Variants in PNLIPRP1 observed in about 807,000 individuals in gnomAD.
The protein encoded by PNLIPRP1 is pancreatic lipase related protein 1.
A neutral mutation model predicts 54.6 loss-of-function variants in PNLIPRP1; 57 were observed. That is an observed-to-expected ratio of 1.04 (90% CI 0.84 to 1.30). The LOEUF is 1.30. Among genes scored for constraint, PNLIPRP1 ranks in the 50% most tolerant of loss-of-function variants. The pLI is 0.00. For synonymous variants in PNLIPRP1, 232 were observed against 208.8 expected (o/e 1.11, Z -0.96); for missense variants, 567 against 568.5 (o/e 1.00, Z 0.03).
intron 10 of PNLIPRP1, among the ~76,000 whole-genome samples, chr10:116,602,801 A>G (rs1369980709): frequency 3.3e-5 from 5 of 152,190 alleles, no homozygotes; most frequent in African/African-American, 1.2e-4. Flanking sequence ...TTATATACGT[A>G]TGTATATGAG....
intron 12 of PNLIPRP1, among the ~76,000 whole-genome samples, chr10:116,607,397 A>C (rs1847953099): frequency 6.6e-6 from 1 of 152,200 alleles, no homozygotes. Flanking sequence ...GAAGGTCAAA[A>C]GACCAAATAA....
rs141835751 is a variant in PNLIPRP1, at chr10:116,604,824, G to C, written c.1173-562G>C. 4.8e-3 allele frequency among the ~76,000 whole-genome samples: 733 copies of C among 151,724 alleles called. 6 individuals carry two copies. Among genetic ancestry groups the C allele is most frequent in the African/African-American group, 0.017 (710 of 41,332 alleles). On this transcript the variant is annotated intron_variant, in intron 11 of 12. Transcript: ENST00000358834. ...GTGCCTCAGCCTCCCAAGTAGCTGAGATTACAGGCATGTGCCACCACACCT... is the reference window on the plus strand; with the variant it reads ...GTGCCTCAGCCTCCCAAGTAGCTGACATTACAGGCATGTGCCACCACACCT...
At chr10:116,607,020 T>TTAATAATAATAATAATAATAATAATAA (rs55946265) in intron 12 of PNLIPRP1, among the ~76,000 whole-genome samples, 10 of 147,078 alleles carry the variant, frequency 6.8e-5, no homozygotes, top group Admixed American at 6.8e-5. Context: ...CCAGTAACAT[T>TTAATAATAATAATAATAATAATAATAA]TAATAATAAT....
intron 6 of PNLIPRP1, among the ~76,000 whole-genome samples, chr10:116,596,648 T>A (rs1554864002): frequency 2.6e-5 from 4 of 152,144 alleles, no homozygotes. Flanking sequence ...AGTATGAACA[T>A]GAGCAAAACA....
chr10:116,600,293 T>G, intron 9 of PNLIPRP1, 128 bp downstream of exon 9: 1 of 657,456 alleles, frequency 1.5e-6, no homozygotes, highest in Non-Finnish European at 2.7e-6. Flanking sequence ...CATGGTCCTG[T>G]GGAGTGGAAG....
intron 12 of PNLIPRP1, among the ~76,000 whole-genome samples, chr10:116,607,917 T>C (rs776272001): frequency 1.3e-5 from 2 of 152,178 alleles, no homozygotes; most frequent in Non-Finnish European, 2.9e-5. Flanking sequence ...TACAGTGGCA[T>C]GATCTCAGCT....
At chr10:116,602,012 T>C (rs782680633) in intron 10 of PNLIPRP1, among the ~76,000 whole-genome samples, 12 of 135,150 alleles carry the variant, frequency 8.9e-5, no homozygotes, top group Non-Finnish European at 1.9e-4. Flanking sequence ...TATATCACTC[T>C]GTAATTTTTT....
rs1464764876 is a variant in PNLIPRP1, at chr10:116,598,159, C to T, written c.807C>T (p.Ile269=). Residue 269 remains isoleucine (I), a synonymous_variant, in exon 8 of 13, where the codon ATC becomes ATT. Coordinates refer to ENST00000358834, the MANE Select transcript of PNLIPRP1 (RefSeq NM_006229.4). ...CTCAGATCGTGGATCTAGATGGCAT[C>T]TGGGCGGGTAAAGTCATGGTGGGGT... ...ALSQIVDLDG[I]WAGTRDFVAC... is the part of the protein sequence containing the mutation. 1 of 1,613,362 alleles carries T rather than the reference C, an allele frequency of 6.2e-7. No individual in the cohort carries two copies. The highest frequency in any genetic ancestry group is 8.5e-7 in the Non-Finnish European group (1 of 1,179,700).
At position 116,605,427 on chromosome 10, in the gene PNLIPRP1, A is replaced by T. The variant is rs1564740874; in HGVS notation, c.1214A>T (p.Asp405Val). The change falls in exon 12 of 13, where the codon GAT becomes GTT. Residue 405 changes from aspartate to valine, a missense_variant. By Grantham distance (152) the Asp-to-Val change is radical. Coordinates refer to ENST00000358834, the MANE Select transcript of PNLIPRP1 (RefSeq NM_006229.4). ...KPGSTHSYEF[D>V]AKLDVGTIEK... Reference sequence around the variant, plus strand: ...GGCTCAACCCATTCCTATGAGTTTGATGCAAAGCTGGATGTTGGAACAATT... The same window carrying T: ...GGCTCAACCCATTCCTATGAGTTTGTTGCAAAGCTGGATGTTGGAACAATT... The T allele has an allele frequency of 1.2e-6, 2 of 1,611,518 alleles. No individual in the cohort carries two copies. Among genetic ancestry groups the T allele is most frequent in the Admixed American group, 1.7e-5 (1 of 60,008 alleles).
chr10:116,605,281 G>T (rs1847917767), intron 11 of PNLIPRP1, 105 bp from the exon 12 acceptor site: 5 of 616,862 alleles, frequency 8.1e-6, no homozygotes, highest in Non-Finnish European at 1.1e-5. Context: ...AATTAATTCG[G>T]AAAAATAATC....
intron 6 of PNLIPRP1, among the ~76,000 whole-genome samples, chr10:116,596,887 AATT>A (rs1554864047): frequency 6.6e-6 from 1 of 152,144 alleles, no homozygotes; most frequent in Non-Finnish European, 1.5e-5. Flanking sequence ...ATGCTATTAT[AATT>A]ATTATGATAA....
chr10:116,600,988 G>A (rs1050171729), intron 9 of PNLIPRP1, 84 bp from the exon 10 acceptor site: 11 of 1,292,756 alleles, frequency 8.5e-6, no homozygotes, highest in African/African-American at 5.9e-5. Context: ...TAGGCTGTAG[G>A]AAAATTGAGT....
intron 3 of PNLIPRP1, 63 bp downstream of exon 3, chr10:116,591,988 C>T (rs1847647686): frequency 6.5e-7 from 1 of 1,544,740 alleles, no homozygotes; most frequent in African/African-American, 1.4e-5. Flanking sequence ...CCCTGCAGAC[C>T]ATGAATACCT....
intron 4 of PNLIPRP1, 78 bp from the exon 5 acceptor site, chr10:116,594,652 G>T (rs916535213): frequency 1.3e-6 from 2 of 1,509,946 alleles, no homozygotes; most frequent in African/African-American, 2.7e-5. Flanking sequence ...GAGAGAAGTG[G>T]CCATTTCTGA....
rs1554864700 is a variant in PNLIPRP1 at position 116,601,102 on chromosome 10, T to G, written c.964T>G (p.Cys322Gly). The change falls in exon 10 of 13, where the codon TGC becomes GGC. Residue 322 changes from cysteine (C) to glycine (G), a missense_variant. Physicochemically the swap from Cys to Gly is radical, Grantham distance 159. Coordinates refer to ENST00000358834, the MANE Select transcript of PNLIPRP1 (RefSeq NM_006229.4). ...DKCFPCPDQG[C>G]PQMGHYADKF... is the part of the protein sequence containing the mutation. ...GTGCTTCCCGTGTCCAGATCAAGGA[T>G]GCCCACAGATGGGTCACTATGCTGA... 1 of 1,613,724 alleles carries G rather than the reference T, an allele frequency of 6.2e-7. No individual in the cohort carries two copies. The highest frequency in any genetic ancestry group is 1.3e-5 in the African/African-American group (1 of 74,910).
At position 116,592,283 on chromosome 10, in the gene PNLIPRP1, T is replaced by C. The variant is rs944102047; in HGVS notation, c.205-133T>C. The C allele has an allele frequency of 1.3e-5, 12 of 949,092 alleles. No homozygotes were observed. In the African/African-American group the frequency reaches 1.8e-4, roughly 14 times the overall value. 58.8% of individuals were successfully genotyped at this position (949,092 alleles called of 1,614,324 possible). On this transcript the variant is annotated intron_variant, in intron 3 of 12. Transcript: ENST00000358834. ...TGGGGCAAGAAAAGGGAGATCAGGG[T>C]GGGCTTCATGGAAGAAGTGGCTTTT... is the stretch of plus-strand genomic sequence containing the variant.
intron 10 of PNLIPRP1, 122 bp downstream of exon 10, chr10:116,601,323 C>A: frequency 1.1e-6 from 1 of 898,900 alleles, no homozygotes; most frequent in Non-Finnish European, 1.7e-6. Context: ...GAAATGGACA[C>A]ATTTACCGAA....
At chr10:116,594,911 G>A (rs545588944) in intron 5 of PNLIPRP1, 47 bp downstream of exon 5, 41 of 1,604,666 alleles carry the variant, frequency 2.6e-5, no homozygotes, top group Non-Finnish European at 3.2e-5. Context: ...AGTGCCTGCT[G>A]GTCTCTGTTT....
intron 8 of PNLIPRP1, among the ~76,000 whole-genome samples, chr10:116,599,430 CAT>C (rs1461928875): frequency 6.6e-6 from 1 of 152,086 alleles, no homozygotes; most frequent in Non-Finnish European, 1.5e-5. Flanking sequence ...TATAATGTAA[CAT>C]TTGTCACTTG....
Sources: allele counts gnomAD v4.1 joint callset (sites outside exome capture counted in the v4.1 genomes callset), GRCh38; gene constraint gnomAD v4.1.1; transcripts MANE v1.5; gene names NCBI Gene and HGNC (gene_info 2026-07-23, HGNC 2026-07-21).